Variants in ATG7 observed in about 807,000 individuals in gnomAD.
ATG7 encodes autophagy related 7.
In ATG7, 70 loss-of-function variants were observed where a neutral mutation model predicts 82.4. That is an observed-to-expected ratio of 0.85 (90% CI 0.70 to 1.04). The LOEUF (loss-of-function observed/expected upper bound fraction) is 1.04. Among genes scored for constraint, ATG7 ranks in the 50% least tolerant of loss-of-function variants. The pLI is 0.00. For missense variants in ATG7, 792 were observed against 864.3 expected, an observed-to-expected ratio of 0.92 and a Z score of 1.05; for synonymous variants, 287 against 313.0, an observed-to-expected ratio of 0.92 and a Z score of 0.88.
intron 20 of ATG7, among the ~76,000 whole-genome samples, chr3:11,544,734 T>A (rs2125039303): frequency 6.6e-6 from 1 of 152,374 alleles, no homozygotes; most frequent in South Asian, 2.1e-4. Context: ...TCAGGTATTA[T>A]GGTCACACCA....
intron 20 of ATG7, among the ~76,000 whole-genome samples, chr3:11,550,595 C>T (rs2071683811): frequency 6.6e-6 from 1 of 151,920 alleles, no homozygotes; most frequent in South Asian, 2.1e-4. Context: ...AAAGGGTCTC[C>T]TTATGTTGCC....
chr3:11,432,826 C>G (rs1311741400), intron 20 of ATG7, among the ~76,000 whole-genome samples: 1 of 152,012 alleles, frequency 6.6e-6, no homozygotes, highest in Non-Finnish European at 1.5e-5. Flanking sequence ...CCTTTACTTC[C>G]AAGGCCTTTA....
At chr3:11,510,547 T>C (rs1335098916) in intron 20 of ATG7, among the ~76,000 whole-genome samples, 2 of 147,134 alleles carry the variant, frequency 1.4e-5, no homozygotes, top group African/African-American at 5.1e-5. Context: ...TCTCCAAAGC[T>C]GTCCCCTCGC....
At chr3:11,365,322 C>G (rs1374953333) in intron 18 of ATG7, among the ~76,000 whole-genome samples, 1 of 152,102 alleles carries the variant, frequency 6.6e-6, no homozygotes, top group Non-Finnish European at 1.5e-5. Flanking sequence ...TAGAAGCATG[C>G]AGGGTCACCA....
At chr3:11,283,397 A>AG (rs1943403790) in intron 3 of ATG7, among the ~76,000 whole-genome samples, 1 of 152,182 alleles carries the variant, frequency 6.6e-6, no homozygotes, top group African/African-American at 2.4e-5. Context: ...CAGGCACTGT[A>AG]GCAAGCACCT....
chr3:11,367,760 T>G (rs1437538095), intron 18 of ATG7, among the ~76,000 whole-genome samples: 25 of 146,026 alleles, frequency 1.7e-4, no homozygotes, highest in Admixed American at 1.5e-3. Flanking sequence ...TGTTTTGGGT[T>G]TTTTTTTTTT....
intron 20 of ATG7, among the ~76,000 whole-genome samples, chr3:11,496,537 C>G (rs772511840): frequency 3.9e-5 from 6 of 152,182 alleles, no homozygotes; most frequent in Non-Finnish European, 8.8e-5. Flanking sequence ...TTTGTGTCCT[C>G]GCTGGACCAG....
chr3:11,543,338 G>C (rs112561995), intron 20 of ATG7, among the ~76,000 whole-genome samples: 1 of 152,150 alleles, frequency 6.6e-6, no homozygotes. Flanking sequence ...GGTTGGAAAG[G>C]CTGGGAGAAC....
At chr3:11,567,094 C>A in the ATG7 span, among the ~76,000 whole-genome samples, 1 of 152,124 alleles carries the variant, frequency 6.6e-6, no homozygotes, top group South Asian at 2.1e-4. Context: ...CTGAGTGCAG[C>A]CTCGGCTGTG....
intron 20 of ATG7, among the ~76,000 whole-genome samples, chr3:11,543,303 C>T (rs1004648172): frequency 6.6e-6 from 1 of 152,206 alleles, no homozygotes. Flanking sequence ...TGCACGTGCT[C>T]TCTGGACTGG....
At chr3:11,525,815 A>G (rs2092565572) in intron 20 of ATG7, among the ~76,000 whole-genome samples, 2 of 151,918 alleles carry the variant, frequency 1.3e-5, no homozygotes, top group African/African-American at 2.4e-5. Context: ...CGGCCTCCCA[A>G]AGTGCTGGGA....
intron 9 of ATG7, among the ~76,000 whole-genome samples, chr3:11,320,175 C>T (rs1950023634): frequency 6.6e-6 from 1 of 152,192 alleles, no homozygotes; most frequent in African/African-American, 2.4e-5. Flanking sequence ...CTCCCTCCCC[C>T]TACCTCCCCT....
At chr3:11,307,207 A>C in intron 6 of ATG7, 147 bp downstream of exon 6, 1 of 767,998 alleles carries the variant, frequency 1.3e-6, no homozygotes, top group South Asian at 1.6e-5. Context: ...ATTTCTCCAG[A>C]GAGAATACTC....
intron 11 of ATG7, among the ~76,000 whole-genome samples, chr3:11,336,234 C>T (rs555956104): frequency 2.6e-4 from 40 of 151,746 alleles, no homozygotes; most frequent in Non-Finnish European, 5.0e-4. Context: ...GGGGTTTCAC[C>T]GTGTACCCAG....
intron 15 of ATG7, among the ~76,000 whole-genome samples, chr3:11,359,554 G>T (rs1220928579): frequency 6.6e-6 from 1 of 151,924 alleles, no homozygotes; most frequent in Non-Finnish European, 1.5e-5. Context: ...AAATTAGCTA[G>T]GTGTGGTGAT....
At chr3:11,362,017 T>C (rs1463075743) in intron 16 of ATG7, among the ~76,000 whole-genome samples, 1 of 152,238 alleles carries the variant, frequency 6.6e-6, no homozygotes, top group Non-Finnish European at 1.5e-5. Context: ...AAGATGACCA[T>C]TCTCTTTTAT....
At chr3:11,494,839 C>T (rs1463139660) in intron 20 of ATG7, among the ~76,000 whole-genome samples, 1 of 152,076 alleles carries the variant, frequency 6.6e-6, no homozygotes, top group East Asian at 1.9e-4. Context: ...TTTGAGAGGC[C>T]AAGGTGAGTG....
At chr3:11,526,570 A>G (rs1443884792) in intron 20 of ATG7, among the ~76,000 whole-genome samples, 2 of 152,158 alleles carry the variant, frequency 1.3e-5, no homozygotes, top group Admixed American at 1.3e-4. Context: ...TAGCAAAACT[A>G]TTGATTTTTG....
At chr3:11,491,625 G>A (rs2090364337) in intron 20 of ATG7, among the ~76,000 whole-genome samples, 1 of 152,152 alleles carries the variant, frequency 6.6e-6, no homozygotes, top group Admixed American at 6.5e-5. Context: ...GGTCTTTGAT[G>A]TTGGTGATGT....
Sources: gnomAD v4.1 joint callset for allele counts (sites outside exome capture counted in the v4.1 genomes callset) on GRCh38, gnomAD v4.1.1 for gene constraint, MANE v1.5 for transcripts, NCBI Gene and HGNC (gene_info 2026-07-23, HGNC 2026-07-21) for gene names.